CHRM3: variants seen among roughly 807,000 people sequenced by gnomAD.
The protein encoded by CHRM3 is cholinergic receptor muscarinic 3, also known as muscarinic acetylcholine receptor M3.
CHRM3 carries 11 observed loss-of-function variants against 41.8 expected under a neutral mutation model. The observed-to-expected ratio is 0.26, with a 90% CI of 0.17 to 0.44. CHRM3 has a LOEUF of 0.44. CHRM3 is among the 20% of genes least tolerant of loss of function. The pLI is 1.00. For synonymous variants in CHRM3, 297 were observed against 301.4 expected (o/e 0.99, Z 0.15); for missense variants, 571 against 745.4 (o/e 0.77, Z 2.72).
intron 5 of CHRM3, among the ~76,000 whole-genome samples, chr1:239,715,023 A>G (rs1268156141): frequency 2.0e-5 from 3 of 152,160 alleles, no homozygotes; most frequent in African/African-American, 7.2e-5. Context: ...GTAAGGGGGA[A>G]TTCAGGGAAT....
intron 6 of CHRM3, among the ~76,000 whole-genome samples, chr1:239,841,608 G>A (rs576135073): frequency 4.5e-4 from 69 of 152,304 alleles, no homozygotes; most frequent in African/African-American, 1.6e-3. Context: ...TAAATCCATT[G>A]ACAGTTAAGG....
intron 3 of CHRM3, among the ~76,000 whole-genome samples, chr1:239,560,565 A>T (rs536283532): frequency 6.6e-6 from 1 of 152,288 alleles, no homozygotes; most frequent in East Asian, 1.9e-4. Context: ...TCTAAAATAT[A>T]CTTCCAAGGA....
intron 3 of CHRM3, among the ~76,000 whole-genome samples, chr1:239,552,412 TA>T (rs1558313026): frequency 6.8e-6 from 1 of 147,546 alleles, no homozygotes; most frequent in East Asian, 1.9e-4. Flanking sequence ...TATATATGTA[TA>T]GATGGTATGT....
chr1:239,406,170 G>A (rs189919150), intron 1 of CHRM3, among the ~76,000 whole-genome samples: 5 of 152,158 alleles, frequency 3.3e-5, no homozygotes, highest in African/African-American at 7.2e-5. Context: ...GATTACAGGC[G>A]TGAGCCACCG....
At chr1:239,644,527 C>T (rs981433083) in intron 4 of CHRM3, among the ~76,000 whole-genome samples, 3 of 152,248 alleles carry the variant, frequency 2.0e-5, no homozygotes, top group South Asian at 2.1e-4. Context: ...TCATTCTATG[C>T]CTTAAATGGG....
intron 1 of CHRM3, among the ~76,000 whole-genome samples, chr1:239,453,068 G>A (rs1664675709): frequency 6.6e-6 from 1 of 152,194 alleles, no homozygotes. Context: ...CCAAAGTGCT[G>A]GGATTACAGG....
chr1:239,639,486 A>T (rs1050737069), intron 4 of CHRM3, among the ~76,000 whole-genome samples: 37 of 152,202 alleles, frequency 2.4e-4, no homozygotes, highest in African/African-American at 6.5e-4. Context: ...TCACATCCCT[A>T]GTAAGTTGGA....
At chr1:239,631,494 C>T (rs6429147) in intron 3 of CHRM3, among the ~76,000 whole-genome samples, 1 of 152,140 alleles carries the variant, frequency 6.6e-6, no homozygotes, top group East Asian at 1.9e-4. Flanking sequence ...TCAAGTTCTT[C>T]CAAAGCATTT....
At chr1:239,835,992 T>C (rs1673285448) in intron 6 of CHRM3, among the ~76,000 whole-genome samples, 1 of 152,222 alleles carries the variant, frequency 6.6e-6, no homozygotes, top group Admixed American at 6.5e-5. Flanking sequence ...TGGAGATACA[T>C]TCGTAGAGAG....
intron 1 of CHRM3, among the ~76,000 whole-genome samples, chr1:239,410,584 G>A (rs1399739556): frequency 6.6e-6 from 1 of 152,170 alleles, no homozygotes; most frequent in African/African-American, 2.4e-5. Flanking sequence ...CGAGACAGCA[G>A]TGATCTCACG....
chr1:239,713,539 T>C (rs1662026244), intron 5 of CHRM3, among the ~76,000 whole-genome samples: 1 of 152,224 alleles, frequency 6.6e-6, no homozygotes, highest in African/African-American at 2.4e-5. Context: ...TACTGCATTA[T>C]TGAAGATGCA....
At chr1:239,830,789 C>G (rs768178558) in intron 6 of CHRM3, among the ~76,000 whole-genome samples, 8 of 152,116 alleles carry the variant, frequency 5.3e-5, no homozygotes, top group African/African-American at 1.9e-4. Flanking sequence ...CAATGATGTC[C>G]CTGAGCTGTG....
At chr1:239,584,062 G>T (rs1191382448) in intron 3 of CHRM3, among the ~76,000 whole-genome samples, 1 of 150,078 alleles carries the variant, frequency 6.7e-6, no homozygotes, top group Non-Finnish European at 1.5e-5. Context: ...TCAGAACATG[G>T]TTGTATTTTT....
chr1:239,464,184 G>C (rs999016284), intron 1 of CHRM3, among the ~76,000 whole-genome samples: 4 of 151,422 alleles, frequency 2.6e-5, no homozygotes, highest in Admixed American at 2.0e-4. Context: ...GGAGGCTGAG[G>C]TATGAGAATC....
intron 5 of CHRM3, among the ~76,000 whole-genome samples, chr1:239,786,464 A>C (rs1668904353): frequency 6.6e-6 from 1 of 152,202 alleles, no homozygotes; most frequent in Admixed American, 6.5e-5. Flanking sequence ...TGAGACCGAG[A>C]GAGGGTAAGT....
Position 239,582,551 on chromosome 1 carries a change from G to T in CHRM3, c.-313+36802G>T, listed in dbSNP as rs150267572. On this transcript the variant is annotated intron_variant, in intron 3 of 6. Coordinates refer to ENST00000676153, the MANE Select transcript of CHRM3 (RefSeq NM_001375978.1). The stretch of plus-strand genomic sequence containing the variant: ...TCCCTGATTAGCACATCCCTCCTCT[G>T]CTCCATACAGGACATCCAACATCTC... 4.6e-5 allele frequency among the ~76,000 whole-genome samples: 7 copies of T among 152,110 alleles called. No homozygotes were observed. In the South Asian group the frequency reaches 1.5e-3, roughly 32 times the overall value.
intron 4 of CHRM3, among the ~76,000 whole-genome samples, chr1:239,668,775 A>T (rs1479670265): frequency 6.6e-6 from 1 of 152,152 alleles, no homozygotes; most frequent in Non-Finnish European, 1.5e-5. Flanking sequence ...TGACTGCAGA[A>T]GCTTATGTTT....
chr1:239,803,920 C>T (rs78254759), intron 5 of CHRM3, among the ~76,000 whole-genome samples: 1,837 of 152,280 alleles, frequency 0.012, 46 homozygotes, highest in African/African-American at 0.042. Context: ...TTTAACTCTG[C>T]GGAGGTAGCC....
chr1:239,765,650 A>G (rs1225042757), intron 5 of CHRM3, among the ~76,000 whole-genome samples: 2 of 150,190 alleles, frequency 1.3e-5, no homozygotes, highest in Non-Finnish European at 1.5e-5. Context: ...AAAGAGCCCA[A>G]CTTCTTTCTT....
Sources: allele counts gnomAD v4.1 joint callset (sites outside exome capture counted in the v4.1 genomes callset), GRCh38; gene constraint gnomAD v4.1.1; transcripts MANE v1.5; gene names NCBI Gene and HGNC (gene_info 2026-07-23, HGNC 2026-07-21).